The following HDAC8 variants were observed in gnomAD, a reference collection of about 807,000 sequenced individuals.
HDAC8 encodes histone deacetylase 8, also known as histone deacetylase-like 1.
Under a neutral mutation model 32.2 loss-of-function variants are expected in HDAC8, and 1 was observed. The ratio of observed to expected loss-of-function variants is 0.03; its 90% confidence interval spans 0.01 to 0.15. The LOEUF (loss-of-function observed/expected upper bound fraction) is 0.15. Ranked by LOEUF, HDAC8 falls within the 10% of genes least tolerant of loss-of-function variation. The pLI, the probability that HDAC8 is intolerant of heterozygous loss-of-function variation, is 1.00. For missense variants in HDAC8, 117 were observed against 300.0 expected (o/e 0.39, Z 4.51); for synonymous variants, 108 against 113.9 (o/e 0.95, Z 0.33).
intron 9 of HDAC8, among the ~76,000 whole-genome samples, chrX:72,434,485 T>C (rs6525599): frequency 0.12 from 12,964 of 111,241 alleles, 1,782 homozygotes; most frequent in African/African-American, 0.4. Context: ...TTTCTATTGT[T>C]TTTGCTCATA....
At chrX:72,495,468 G>A (rs193043934) in intron 4 of HDAC8, among the ~76,000 whole-genome samples, 200 bp from the exon 5 acceptor site, 16 of 111,540 alleles carry the variant, frequency 1.4e-4, no homozygotes, top group African/African-American at 4.9e-4. Flanking sequence ...TAAATATTTG[G>A]GTAAATTGGT....
intron 9 of HDAC8, among the ~76,000 whole-genome samples, chrX:72,452,078 C>T (rs1187066651): frequency 8.9e-6 from 1 of 112,516 alleles, no homozygotes; most frequent in Non-Finnish European, 1.9e-5. Context: ...TTGAAGAATA[C>T]CAGTCTGAAC....
At chrX:72,472,318 C>T (rs1049607061) in intron 7 of HDAC8, among the ~76,000 whole-genome samples, 6 of 111,108 alleles carry the variant, frequency 5.4e-5, no homozygotes, top group African/African-American at 9.8e-5. Context: ...CCGCCCGCCT[C>T]GGCCTCCCAA....
rs139928144 is a variant in HDAC8, at chrX:72,542,356, A to T, written c.437+25533T>A. Among the ~76,000 whole-genome samples, 686 of 112,352 alleles carry T rather than the reference A, an allele frequency of 6.1e-3. 5 individuals carry two copies. The highest frequency in any genetic ancestry group is 0.022 in the African/African-American group (668 of 30,974). ...ACATCATTTTCACACTTTGAGGCTT[A>T]GCCTGGAGTTGGTGCTACTGTAATC... On this transcript the variant is annotated intron_variant, in intron 4 of 10. Transcript: ENST00000373573.
intron 9 of HDAC8, among the ~76,000 whole-genome samples, chrX:72,461,608 T>C (rs1465079681): frequency 1.8e-5 from 2 of 111,247 alleles, no homozygotes; most frequent in East Asian, 5.6e-4. Context: ...AAAGAACATG[T>C]GCCACGTACC....
chrX:72,472,072 A>T lies in HDAC8; in HGVS notation c.738-7341T>A, dbSNP rs868994466. On this transcript the variant is annotated intron_variant, in intron 7 of 10. Coordinates refer to ENST00000373573, the MANE Select transcript of HDAC8 (RefSeq NM_018486.3). ...CTTTATTTTTTATTTTATTTTATTT[A>T]TTTTTTTTTTTTTGAGACGGAGTCT... 3.3e-3 allele frequency among the ~76,000 whole-genome samples: 310 copies of T among 94,329 alleles called. 1 individual carries two copies. The highest frequency in any genetic ancestry group is 0.01 in the African/African-American group (282 of 28,080). 81.9% of individuals were successfully genotyped at this position (94,329 alleles called of 115,157 possible).
chrX:72,453,161 AAT>A (rs1478845241), intron 9 of HDAC8, among the ~76,000 whole-genome samples: 1 of 109,579 alleles, frequency 9.1e-6, no homozygotes, highest in Admixed American at 9.8e-5. Context: ...AAAAAAAAAA[AAT>A]AGGCCGGGCA....
intron 7 of HDAC8, among the ~76,000 whole-genome samples, chrX:72,481,966 T>C (rs2148101775): frequency 9.0e-6 from 1 of 111,224 alleles, no homozygotes; most frequent in African/African-American, 3.3e-5. Context: ...AGATAAATTC[T>C]AGATGACTTA....
intron 9 of HDAC8, among the ~76,000 whole-genome samples, chrX:72,415,382 C>CT (rs1371284267): frequency 3.6e-5 from 4 of 111,890 alleles, no homozygotes; most frequent in African/African-American, 9.7e-5. Context: ...CTGCTTTATC[C>CT]TTTTTTTACA....
At chrX:72,435,341 G>A (rs1243867650) in intron 9 of HDAC8, among the ~76,000 whole-genome samples, 1 of 111,164 alleles carries the variant, frequency 9.0e-6, no homozygotes, top group Non-Finnish European at 1.9e-5. Context: ...AGTCTCAAAA[G>A]ACCTAAAATC....
intron 4 of HDAC8, among the ~76,000 whole-genome samples, chrX:72,523,266 A>T (rs1046790582): frequency 8.9e-6 from 1 of 111,865 alleles, no homozygotes. Context: ...CCATGGTAAC[A>T]TTGTGTCAAT....
intron 9 of HDAC8, among the ~76,000 whole-genome samples, chrX:72,455,984 C>G (rs1317326458): frequency 9.0e-6 from 1 of 111,573 alleles, no homozygotes; most frequent in African/African-American, 3.3e-5. Context: ...AGTGTAGTAT[C>G]GAAGAATATC....
intron 7 of HDAC8, chrX:72,473,551 A>T: frequency 3.9e-6 from 1 of 255,770 alleles, no homozygotes; most frequent in Non-Finnish European, 5.4e-6. Flanking sequence ...AAACTGCCAT[A>T]CAGAGAGGTT....
chrX:72,528,464 G>A (rs2050227400), intron 4 of HDAC8, among the ~76,000 whole-genome samples: 1 of 112,014 alleles, frequency 8.9e-6, no homozygotes, highest in Admixed American at 9.4e-5. Flanking sequence ...CTTTTAAAAC[G>A]GCCTGAGTAT....
chrX:72,571,835 C>T, intron 2 of HDAC8: 1 of 318,184 alleles, frequency 3.1e-6, no homozygotes, highest in Non-Finnish European at 5.3e-6. Context: ...TCCCAAAGTG[C>T]TGGGATTACA....
chrX:72,411,366 T>A (rs1311233221), intron 9 of HDAC8, among the ~76,000 whole-genome samples: 1 of 112,220 alleles, frequency 8.9e-6, no homozygotes, highest in Non-Finnish European at 1.9e-5. Context: ...CCGCCTGGAA[T>A]GCAGCTCTTT....
chrX:72,495,968 C>T (rs781984236), intron 4 of HDAC8, among the ~76,000 whole-genome samples: 2 of 111,832 alleles, frequency 1.8e-5, no homozygotes, highest in Non-Finnish European at 3.8e-5. Flanking sequence ...AGTGATAATG[C>T]GTCACTTTAA....
intron 9 of HDAC8, among the ~76,000 whole-genome samples, chrX:72,422,652 TC>T (rs1277477460): frequency 8.9e-6 from 1 of 112,118 alleles, no homozygotes; most frequent in African/African-American, 3.2e-5. Flanking sequence ...CTATGGCTTT[TC>T]TTCTCAGGCC....
intron 9 of HDAC8, among the ~76,000 whole-genome samples, chrX:72,353,434 G>A (rs978545139): frequency 2.7e-5 from 3 of 112,065 alleles, no homozygotes; most frequent in Non-Finnish European, 5.6e-5. Context: ...TCTGATACCT[G>A]AAGCCCTGAG....
Sources: allele counts gnomAD v4.1 joint callset (sites outside exome capture counted in the v4.1 genomes callset), GRCh38; gene constraint gnomAD v4.1.1; transcripts MANE v1.5; gene names NCBI Gene and HGNC (gene_info 2026-07-23, HGNC 2026-07-21).